Variants in MYBPC3 observed in about 807,000 individuals in gnomAD.
MYBPC3 encodes myosin binding protein C3.
MYBPC3 carries 108 observed loss-of-function variants against 159.3 expected under a neutral mutation model. The ratio of observed to expected loss-of-function variants is 0.68; its 90% CI spans 0.58 to 0.80. MYBPC3 has a LOEUF of 0.80. Ranked by LOEUF, MYBPC3 falls within the 30% of genes least tolerant of loss-of-function variation. The pLI is 0.00. For missense variants in MYBPC3, 1,631 were observed against 1,762.1 expected, an observed-to-expected ratio of 0.93 and a Z score of 1.33; for synonymous variants, 730 against 702.0, an observed-to-expected ratio of 1.04 and a Z score of -0.63.
chr11:47,350,354 T>C, intron 3 of MYBPC3, 148 bp downstream of exon 3: 1 of 1,355,298 alleles, frequency 7.4e-7, no homozygotes, highest in African/African-American at 1.5e-5. Flanking sequence ...CTCAATCTCC[T>C]GACCTCATGA....
intron 5 of MYBPC3, among the ~76,000 whole-genome samples, chr11:47,349,106 G>C (rs917597704): frequency 2.6e-4 from 40 of 151,532 alleles, no homozygotes; most frequent in Admixed American, 6.6e-4. Flanking sequence ...CCGCACAGCA[G>C]AACATGTTGG....
rs545587581 is a variant in MYBPC3 at position 47,340,621 on chromosome 11, C to T, written c.1927+382G>A. On this transcript the variant is annotated intron_variant, in intron 20 of 34. Transcript: ENST00000545968. Reference sequence around the variant, plus strand: ...GGCGGAGCTTGCAGTGAGCCGAGATCGCGCCACTTCTCTCCAGCGTGGGCG... The same window carrying T: ...GGCGGAGCTTGCAGTGAGCCGAGATTGCGCCACTTCTCTCCAGCGTGGGCG... Among the ~76,000 whole-genome samples the T allele has an allele frequency of 5.9e-5, 9 of 152,152 alleles. No individual in the cohort carries two copies. The South Asian group carries it at 1.0e-3, about 18-fold the overall frequency.
In MYBPC3 at chr11:47,346,793, G is replaced by A; in HGVS notation, c.909-149C>T. ...CCCTGTGTTGTGGGGCACCCATGCT[G>A]CTCCGGAGGCTCTGGCAGGACCTCC... On this transcript the variant is annotated intron_variant, in intron 10 of 34. Coordinates refer to ENST00000545968, the MANE Select transcript of MYBPC3 (RefSeq NM_000256.3). The surrounding 1 kb of genome is among the most constrained non-coding windows in gnomAD (Gnocchi z 5.3). The A allele has an allele frequency of 1.2e-6, 1 of 856,200 alleles. No homozygotes were observed. Among genetic ancestry groups the A allele is most frequent in the Non-Finnish European group, 1.8e-6 (1 of 541,966 alleles). The allele number at this position is 856,200 out of a possible 1,614,324, so 53.0% of individuals were successfully genotyped here.
In MYBPC3 at chr11:47,341,080, A is replaced by G. The variant is rs765421649; in HGVS notation, c.1898-48T>C. 17 of 1,569,496 alleles carry G rather than the reference A, an allele frequency of 1.1e-5. No individual in the cohort carries two copies. In the African/African-American group the frequency reaches 2.2e-4, roughly 20 times the overall value. On this transcript the variant is annotated intron_variant, in intron 19 of 34. Transcript: ENST00000545968. ...TAGCACGGGGGCAAAGGCAGGGCCC[A>G]GTGACAGGGGCTCCTGGCCCCACTG...
rs1319758107 is a variant in MYBPC3, at chr11:47,332,593, G to A, written c.3600C>T (p.Leu1200=). 6.2e-7 allele frequency: 1 copy of A among 1,613,806 alleles called. No individual in the cohort carries two copies. The highest frequency in any genetic ancestry group is 1.3e-5 in the African/African-American group (1 of 75,068). ...RSVIAGYTAM[L]CCAVRGSPKP... is the part of the protein sequence containing the mutation. ...TGGGGCTACCCCGGACAGCACAGCA[G>A]AGCATAGCAGTGTAGCCCGCGATGA... Residue 1200 remains leucine, a synonymous_variant, in exon 32 of 35, where the codon CTC becomes CTT. Coordinates refer to ENST00000545968, the MANE Select transcript of MYBPC3 (RefSeq NM_000256.3). The surrounding 1 kb of genome is among the most constrained non-coding windows in gnomAD (Gnocchi z 4.2).
rs892096616 is a variant in MYBPC3, at chr11:47,338,367, G to A, written c.2308+153C>T. Among the ~76,000 whole-genome samples the A allele has an allele frequency of 5.9e-5, 9 of 152,338 alleles. No homozygotes were observed. The East Asian group carries it at 7.7e-4, about 13-fold the overall frequency. ...CATCTGCCTCCATCTCCCCCAGAGCGGGGCTCCTTTTGGGCAGAAAAACCT... is the reference window on the plus strand; with the variant it reads ...CATCTGCCTCCATCTCCCCCAGAGCAGGGCTCCTTTTGGGCAGAAAAACCT... On this transcript the variant is annotated intron_variant, in intron 23 of 34. Coordinates refer to ENST00000545968, the MANE Select transcript of MYBPC3 (RefSeq NM_000256.3). This position sits in a 1 kb window ranked among gnomAD's most constrained non-coding sequence, Gnocchi z 4.7.
At position 47,337,451 on chromosome 11, in the gene MYBPC3, C is replaced by T. The variant is rs747407752; in HGVS notation, c.2542G>A (p.Ala848Thr). The change falls in exon 25 of 35, where the codon GCG becomes ACG. Residue 848 changes from alanine (A) to threonine (T), a missense_variant. Coordinates refer to ENST00000545968, the MANE Select transcript of MYBPC3 (RefSeq NM_000256.3). ...EGVVYEMRVY[A>T]VNAIGMSRPS... is the part of the protein sequence containing the mutation. Reference sequence around the variant, plus strand: ...CTGGACATGCCGATGGCGTTGACCGCGTAGACGCGCATCTCGTACACCACG... The same window carrying T: ...CTGGACATGCCGATGGCGTTGACCGTGTAGACGCGCATCTCGTACACCACG... The T allele has an allele frequency of 1.2e-6, 2 of 1,613,186 alleles. No homozygotes were observed.
chr11:47,351,531 C>CG lies in MYBPC3; in HGVS notation c.26-27dup, dbSNP rs1168635976. The CG allele has an allele frequency of 3.9e-6, 6 of 1,556,812 alleles. No homozygotes were observed. Among genetic ancestry groups the CG allele is most frequent in the Non-Finnish European group, 5.2e-6 (6 of 1,147,122 alleles). On this transcript the variant is annotated intron_variant, in intron 1 of 34. Coordinates refer to ENST00000545968, the MANE Select transcript of MYBPC3 (RefSeq NM_000256.3). The surrounding 1 kb of genome is among the most constrained non-coding windows in gnomAD (Gnocchi z 4.2). ...CTGAAGGGCCAGGTGGAGGCTACAG[C>CG]GGCCCCTGGTTGGAGCGTGCACCCC... is the stretch of plus-strand genomic sequence containing the variant.
rs397516043 is a variant in MYBPC3 at position 47,331,891 on chromosome 11, A to C, written c.3815-10T>G. On this transcript the variant is annotated splice_polypyrimidine_tract_variant and intron_variant, in intron 33 of 34. Coordinates refer to ENST00000545968, the MANE Select transcript of MYBPC3 (RefSeq NM_000256.3). ...CCTGGTCACTGAGGCACTGCAGAAG[A>C]GGAGGCCATGTCACTGTGTCCTCCC... 10 of 1,610,278 alleles carry C rather than the reference A, an allele frequency of 6.2e-6. No homozygotes were observed. Among genetic ancestry groups the C allele is most frequent in the Non-Finnish European group, 8.5e-6 (10 of 1,178,632 alleles).
At chr11:47,347,155 C>T (rs1298482616) in intron 9 of MYBPC3, 126 bp from the exon 10 acceptor site, 29 of 1,430,622 alleles carry the variant, frequency 2.0e-5, no homozygotes, top group African/African-American at 4.3e-5. Flanking sequence ...CTCTCTGTTC[C>T]TTCTGGGTCC....
intron 25 of MYBPC3, among the ~76,000 whole-genome samples, chr11:47,336,670 C>T (rs1411027612): frequency 6.6e-6 from 1 of 152,176 alleles, no homozygotes; most frequent in Non-Finnish European, 1.5e-5. Context: ...CAAGCTGTGC[C>T]CCATCCCTGG....
rs1465336345 is a variant in MYBPC3 at position 47,343,252 on chromosome 11, G to A, written c.1226+8C>T. 1.3e-6 allele frequency: 2 copies of A among 1,566,168 alleles called. No individual in the cohort carries two copies. Among genetic ancestry groups the A allele is most frequent in the Non-Finnish European group, 8.6e-7 (1 of 1,159,788 alleles). On this transcript the variant is annotated splice_region_variant and intron_variant, in intron 14 of 34. Transcript: ENST00000545968. ...CCCCCACCCCAAGCCATCCAGAGGG[G>A]AACTTACTTGCTGTAGAACAGAAGG...
chr11:47,332,349 G>C lies in MYBPC3; in HGVS notation c.3628-91C>G, dbSNP rs1044965032. 2 of 1,494,506 alleles carry C rather than the reference G, an allele frequency of 1.3e-6. No individual in the cohort carries two copies. The highest frequency in any genetic ancestry group is 1.7e-5 in the Admixed American group (1 of 58,518). 92.6% of individuals were successfully genotyped at this position (1,494,506 alleles called of 1,614,324 possible). On this transcript the variant is annotated intron_variant, in intron 32 of 34. Transcript: ENST00000545968. The surrounding 1 kb of genome is among the most constrained non-coding windows in gnomAD (Gnocchi z 4.2). ...GGGAGACACATCTGTGTTTCTACTC[G>C]GGGGGTCCCACGAGAGTCCCTGACT... is the stretch of plus-strand genomic sequence containing the variant.
At chr11:47,334,134 C>G (rs2095880106) in intron 27 of MYBPC3, 124 bp from the exon 28 acceptor site, 1 of 906,554 alleles carries the variant, frequency 1.1e-6, no homozygotes, top group South Asian at 1.7e-5. Context: ...CCTGCTGGGC[C>G]CTGCGCCTCC....
Position 47,335,990 on chromosome 11 carries a change from T to A in MYBPC3, c.2624A>T (p.His875Leu), listed in dbSNP as rs774889182. 9 of 1,532,678 alleles carry A rather than the reference T, an allele frequency of 5.9e-6. No homozygotes were observed. The Admixed American group carries it at 1.2e-4, about 20-fold the overall frequency. The allele number at this position is 1,532,678 out of a possible 1,614,324, so 94.9% of individuals were successfully genotyped here. A position where few individuals can be genotyped will look rare whatever the true frequency, so the allele number is the denominator to read the frequency against. The part of the protein sequence containing the change: ...MPIGPPSEPT[H>L]LAVEDVSDTT... The stretch of plus-strand genomic sequence containing the variant: ...GTCAGAGACGTCCTCTACTGCCAGG[T>A]GGGTGGGTTCGCTGGGGGGACCTGG... The change falls in exon 26 of 35, where the codon CAC becomes CTC. Residue 875 changes from histidine to leucine, a missense_variant. By Grantham distance (99) the His-to-Leu change is moderately conservative. Transcript: ENST00000545968.
chr11:47,349,947 C>T (rs771584733), intron 4 of MYBPC3, 25 bp from the exon 5 acceptor site: 15 of 1,578,088 alleles, frequency 9.5e-6, no homozygotes, highest in Middle Eastern at 1.7e-4. Flanking sequence ...GCGACAGGCC[C>T]GGCTTGGGGA....
chr11:47,347,365 A>C, intron 9 of MYBPC3, 61 bp downstream of exon 9: 1 of 1,554,170 alleles, frequency 6.4e-7, no homozygotes, highest in East Asian at 2.4e-5. Flanking sequence ...GGCAAACCAC[A>C]GTGCTGGGAT....
intron 20 of MYBPC3, 133 bp downstream of exon 20, chr11:47,340,870 G>T: frequency 9.6e-7 from 1 of 1,040,654 alleles, no homozygotes; most frequent in Non-Finnish European, 1.3e-6. Flanking sequence ...GGTCATGAGT[G>T]GCAAAGCTGA....
intron 5 of MYBPC3, among the ~76,000 whole-genome samples, chr11:47,349,480 GA>G (rs1448122268): frequency 1.4e-4 from 21 of 149,674 alleles, no homozygotes; most frequent in Non-Finnish European, 2.2e-4. Context: ...CACCCTGGGC[GA>G]CCCCCCACCC....
Sources: gnomAD v4.1 joint callset for allele counts (sites outside exome capture counted in the v4.1 genomes callset) on GRCh38, gnomAD v4.1.1 for gene constraint, Gnocchi (gnomAD v3.1) non-coding constraint, MANE v1.5 for transcripts, NCBI Gene and HGNC (gene_info 2026-07-23, HGNC 2026-07-21) for gene names.